Variants in TULP3 observed in about 807,000 individuals in gnomAD.
TULP3 encodes the protein TUB like protein 3, also known as tubby-related protein 3.
Under a neutral mutation model 50.7 loss-of-function variants are expected in TULP3, and 38 were observed. That is an observed-to-expected ratio of 0.75 (90% CI 0.58 to 0.98). TULP3 has a LOEUF of 0.98. TULP3 is among the 50% of genes least tolerant of loss of function. The pLI is 0.00. For synonymous variants in TULP3, 183 were observed against 196.6 expected (o/e 0.93, Z 0.58); for missense variants, 550 against 568.0 (o/e 0.97, Z 0.32).
intron 6 of TULP3, among the ~76,000 whole-genome samples, chr12:2,932,858 G>A (rs1251715320): frequency 6.6e-6 from 1 of 152,024 alleles, no homozygotes; most frequent in Non-Finnish European, 1.5e-5. Flanking sequence ...GGATGAAGTT[G>A]TAACTAATTA....
At chr12:2,898,108 G>A (rs1168726896) in intron 1 of TULP3, among the ~76,000 whole-genome samples, 1 of 142,956 alleles carries the variant, frequency 7.0e-6, no homozygotes, top group Non-Finnish European at 1.5e-5. Context: ...AGATATAATA[G>A]CAGTTGCAGT....
At chr12:2,910,862 A>G (rs2153948875) in intron 2 of TULP3, among the ~76,000 whole-genome samples, 1 of 152,326 alleles carries the variant, frequency 6.6e-6, no homozygotes, top group East Asian at 1.9e-4. Flanking sequence ...AATTGTGATG[A>G]GCCCTTTATT....
intron 3 of TULP3, 100 bp from the exon 4 acceptor site, chr12:2,922,162 G>C: frequency 7.3e-7 from 1 of 1,372,928 alleles, no homozygotes; most frequent in Non-Finnish European, 9.9e-7. Context: ...CAGATAAAAT[G>C]ATTTGGTAGT....
In TULP3 at chr12:2,919,562, T is replaced by C. The variant is rs115453993; in HGVS notation, c.94-1201T>C. On this transcript the variant is annotated intron_variant, in intron 2 of 10. Coordinates refer to ENST00000448120, the MANE Select transcript of TULP3 (RefSeq NM_003324.5). The stretch of plus-strand genomic sequence containing the variant: ...TGGAAAAAAGTAAACAGATGGCTTC[T>C]TTTGCCTGAAAAACAGTAGTAAGTG... Among the ~76,000 whole-genome samples the C allele has an allele frequency of 7.7e-3, 1,176 of 152,314 alleles. 18 individuals are homozygous for C. The highest frequency in any genetic ancestry group is 0.027 in the African/African-American group (1,117 of 41,556).
At chr12:2,937,372 A>G (rs1300630248) in intron 8 of TULP3, among the ~76,000 whole-genome samples, 1 of 151,012 alleles carries the variant, frequency 6.6e-6, no homozygotes, top group Non-Finnish European at 1.5e-5. Flanking sequence ...GCCTGCCACC[A>G]CGCCTGGCTA....
Position 2,920,751 on chromosome 12 carries a change from C to CT in TULP3, c.94-6dup. On this transcript the variant is annotated splice_polypyrimidine_tract_variant and intron_variant, in intron 2 of 10. Coordinates refer to ENST00000448120, the MANE Select transcript of TULP3 (RefSeq NM_003324.5). ...ACTCTCCTTGCTGGCTGTCATATCG[C>CT]TTTTTTCCCAGAGGCTACTACTTGA... 6.2e-7 allele frequency: 1 copy of CT among 1,613,448 alleles called. No homozygotes were observed.
intron 1 of TULP3, 92 bp downstream of exon 1, chr12:2,891,080 G>A: frequency 7.2e-7 from 1 of 1,386,870 alleles, no homozygotes; most frequent in African/African-American, 1.5e-5. Context: ...TGCGGGGAGA[G>A]GGCGGGACTC....
intron 4 of TULP3, among the ~76,000 whole-genome samples, chr12:2,925,025 A>AG (rs1250929458): frequency 2.0e-5 from 3 of 151,930 alleles, no homozygotes; most frequent in Admixed American, 6.6e-5. Flanking sequence ...AAAATTAGCC[A>AG]GGTGTGGTGG....
chr12:2,899,749 C>T lies in TULP3; in HGVS notation c.41+8761C>T, dbSNP rs1054473022. Among the ~76,000 whole-genome samples the T allele has an allele frequency of 5.9e-5, 9 of 151,760 alleles. No individual in the cohort carries two copies. In the East Asian group the frequency reaches 1.6e-3, roughly 26 times the overall value. On this transcript the variant is annotated intron_variant, in intron 1 of 10. Coordinates refer to ENST00000448120, the MANE Select transcript of TULP3 (RefSeq NM_003324.5). ...TCTACTAAAAATACAAAAAATTAGC[C>T]GGGTGTGGTGGCAGGTGCCTGTAGT...
chr12:2,893,445 T>C (rs969190609), intron 1 of TULP3, among the ~76,000 whole-genome samples: 2 of 150,154 alleles, frequency 1.3e-5, no homozygotes, highest in African/African-American at 4.9e-5. Flanking sequence ...CTCAGCCTCC[T>C]GAGTAGCTGG....
chr12:2,905,474 G>A (rs1024090386), intron 1 of TULP3, among the ~76,000 whole-genome samples: 2 of 152,030 alleles, frequency 1.3e-5, no homozygotes, highest in African/African-American at 4.8e-5. Flanking sequence ...ATGAGCCACC[G>A]CACCCGGCCT....
Position 2,938,205 on chromosome 12 carries a change from C to T in TULP3, c.1115C>T (p.Thr372Ile). 6.2e-7 allele frequency: 1 copy of T among 1,614,198 alleles called. No individual in the cohort carries two copies. The highest frequency in any genetic ancestry group is 8.5e-7 in the Non-Finnish European group (1 of 1,180,036). ...AAGGCCCCCGTCTGGAACAGTGACA[C>T]TCAGTCCTATGTCCTCAACTTCCGT... Reference protein sequence around the residue: ...HNKAPVWNSDTQSYVLNFRGR... With the variant: ...HNKAPVWNSDIQSYVLNFRGR... Residue 372 changes from threonine (T) to isoleucine (I), a missense_variant, in exon 10 of 11, where the codon ACT (threonine) becomes ATT (isoleucine). Coordinates refer to ENST00000448120, the MANE Select transcript of TULP3 (RefSeq NM_003324.5).
chr12:2,911,595 G>C (rs1462345060), intron 2 of TULP3, among the ~76,000 whole-genome samples: 5 of 142,782 alleles, frequency 3.5e-5, no homozygotes, highest in Non-Finnish European at 7.5e-5. Flanking sequence ...TCGAACTCCT[G>C]ACCTCATGAT....
intron 3 of TULP3, among the ~76,000 whole-genome samples, chr12:2,921,379 G>T (rs2098191662): frequency 6.6e-6 from 1 of 152,184 alleles, no homozygotes; most frequent in Non-Finnish European, 1.5e-5. Context: ...TGACCCAGGT[G>T]ATCCACCCGC....
chr12:2,899,295 AGATCACGC>A (rs2098177416), intron 1 of TULP3, among the ~76,000 whole-genome samples: 1 of 145,840 alleles, frequency 6.9e-6, no homozygotes, highest in South Asian at 2.2e-4. Flanking sequence ...TGGTGAGCTG[AGATCACGC>A]CATTGCAATC....
intron 2 of TULP3, among the ~76,000 whole-genome samples, chr12:2,916,272 G>A (rs547982613): frequency 6.6e-6 from 1 of 152,270 alleles, no homozygotes; most frequent in South Asian, 2.1e-4. Flanking sequence ...AAAGTGCTGG[G>A]ATTACAGGCA....
chr12:2,898,155 T>C (rs1469744108), intron 1 of TULP3, among the ~76,000 whole-genome samples: 1 of 151,702 alleles, frequency 6.6e-6, no homozygotes, highest in Non-Finnish European at 1.5e-5. Flanking sequence ...CATTTAATCT[T>C]CACAATAACC....
intron 2 of TULP3, among the ~76,000 whole-genome samples, chr12:2,916,532 G>C (rs11062415): frequency 0.012 from 1,774 of 152,216 alleles, 38 homozygotes; most frequent in African/African-American, 0.04. Flanking sequence ...AAATCACGAA[G>C]GCAGTGTGTT....
chr12:2,903,030 T>G (rs1326289749), intron 1 of TULP3, among the ~76,000 whole-genome samples: 1 of 151,690 alleles, frequency 6.6e-6, no homozygotes, highest in African/African-American at 2.4e-5. Context: ...CCTGGCTAAT[T>G]TTTGTATTTT....
Sources: gnomAD v4.1 joint callset for allele counts (sites outside exome capture counted in the v4.1 genomes callset) on GRCh38, gnomAD v4.1.1 for gene constraint, MANE v1.5 for transcripts, NCBI Gene and HGNC (gene_info 2026-07-23, HGNC 2026-07-21) for gene names.